OR52N4: variants seen among roughly 807,000 people sequenced by gnomAD.
The protein encoded by OR52N4 is olfactory receptor family 52 subfamily N member 4, also known as olfactory receptor 52N4.
In OR52N4, 15 loss-of-function variants were observed where a neutral mutation model predicts 15.0. That is an observed-to-expected ratio of 1.00 (90% CI 0.67 to 1.54). The LOEUF is 1.54. OR52N4 is among the 40% of genes most tolerant of loss of function. OR52N4 has a pLI of 0.00. For synonymous variants in OR52N4, 143 were observed against 143.7 expected (o/e 1.00, Z 0.03); for missense variants, 421 against 394.0 (o/e 1.07, Z -0.58).
chr11:5,729,416 G>A, the OR52N4 span, among the ~76,000 whole-genome samples: 5,683 of 152,044 alleles, frequency 0.037, 327 homozygotes, highest in African/African-American at 0.13. Flanking sequence ...CACCGTGCCC[G>A]GCCGAGATAT....
the OR52N4 span, among the ~76,000 whole-genome samples, chr11:5,735,531 G>T: frequency 6.6e-6 from 1 of 151,956 alleles, no homozygotes; most frequent in Non-Finnish European, 1.5e-5. Flanking sequence ...TTTGCTCCAG[G>T]CAGGTTGCAG....
the OR52N4 span, among the ~76,000 whole-genome samples, chr11:5,735,697 A>G: frequency 1.3e-5 from 2 of 152,182 alleles, no homozygotes; most frequent in Non-Finnish European, 2.9e-5. Context: ...ATGGATAACA[A>G]CAAAGTTGTA....
the OR52N4 span, among the ~76,000 whole-genome samples, chr11:5,747,077 C>CA: frequency 0.013 from 750 of 57,280 alleles, 31 homozygotes; most frequent in African/African-American, 0.05. Context: ...GTAAAAATAC[C>CA]AAAAAAAAAA....
the OR52N4 span, among the ~76,000 whole-genome samples, chr11:5,742,389 T>C: frequency 6.6e-6 from 1 of 152,046 alleles, no homozygotes; most frequent in South Asian, 2.1e-4. Context: ...GAAAAATACT[T>C]TGCAAGATGA....
chr11:5,746,588 C>A, the OR52N4 span, among the ~76,000 whole-genome samples: 1 of 152,008 alleles, frequency 6.6e-6, no homozygotes, highest in Non-Finnish European at 1.5e-5. Flanking sequence ...CAGAGAAATG[C>A]AAATTAAAAC....
chr11:5,739,760 T>A, the OR52N4 span, among the ~76,000 whole-genome samples: 1 of 128,452 alleles, frequency 7.8e-6, no homozygotes, highest in East Asian at 2.7e-4. Flanking sequence ...CTCTGGCTTC[T>A]ACACCATTAG....
chr11:5,752,257 G>A (rs990825589), upstream of OR52N4, among the ~76,000 whole-genome samples: 2 of 152,142 alleles, frequency 1.3e-5, no homozygotes, highest in African/African-American at 2.4e-5. Context: ...AATGACTTGA[G>A]TACATATCTT....
the OR52N4 span, among the ~76,000 whole-genome samples, chr11:5,729,114 A>ATTTTTTT: frequency 9.4e-3 from 776 of 82,840 alleles, 29 homozygotes; most frequent in Non-Finnish European, 0.014. Flanking sequence ...TTAAATTGAG[A>ATTTTTTT]TTTTTTTTTT....
chr11:5,736,012 C>T, the OR52N4 span: 1 of 156,720 alleles, frequency 6.4e-6, no homozygotes, highest in Non-Finnish European at 1.4e-5. Flanking sequence ...TAAGATTCAA[C>T]TATAAAAAAA....
chr11:5,736,520 A>G, the OR52N4 span: 1 of 1,613,384 alleles, frequency 6.2e-7, no homozygotes, highest in Non-Finnish European at 8.5e-7. Context: ...TTGAATCATG[A>G]ATCATATGTC....
the OR52N4 span, chr11:5,736,870 C>A: frequency 6.2e-7 from 1 of 1,613,996 alleles, no homozygotes; most frequent in South Asian, 1.1e-5. Context: ...TCTTTGTGGG[C>A]ATGGAGTCTG....
the OR52N4 span, among the ~76,000 whole-genome samples, chr11:5,727,621 A>G: frequency 3.9e-5 from 6 of 152,210 alleles, no homozygotes; most frequent in African/African-American, 1.4e-4. Flanking sequence ...AGAGAAGGGC[A>G]TTCTTTCTTT....
chr11:5,742,984 G>A, the OR52N4 span, among the ~76,000 whole-genome samples: 1 of 152,048 alleles, frequency 6.6e-6, no homozygotes, highest in Non-Finnish European at 1.5e-5. Flanking sequence ...AACATGTGCT[G>A]CCTATTAAAA....
At chr11:5,728,890 C>A in the OR52N4 span, among the ~76,000 whole-genome samples, 1 of 151,930 alleles carries the variant, frequency 6.6e-6, no homozygotes, top group Non-Finnish European at 1.5e-5. Context: ...TATTCTAACC[C>A]TCAATTTTTT....
In OR52N4 at chr11:5,754,884, C is replaced by T. The variant is rs760575260; in HGVS notation, c.144C>T (p.Leu48=). 21 of 1,613,752 alleles carry T rather than the reference C, an allele frequency of 1.3e-5. No individual in the cohort carries two copies. The highest frequency in any genetic ancestry group is 1.7e-5 in the Non-Finnish European group (20 of 1,179,838). Residue 48 remains leucine (L), a synonymous_variant, in exon 2 of 2, where the codon CTC becomes CTT. Coordinates refer to ENST00000641350, the MANE Select transcript of OR52N4 (RefSeq NM_001005175.5). ...CTATGGTAGGGAATTGTGGACTCCTCTACCTCATTCACTATGAGGATGCCC... is the reference window on the plus strand; with the variant it reads ...CTATGGTAGGGAATTGTGGACTCCTTTACCTCATTCACTATGAGGATGCCC... ...VVAMVGNCGL[L]YLIHYEDALH...
At chr11:5,742,262 G>C in the OR52N4 span, among the ~76,000 whole-genome samples, 1 of 152,090 alleles carries the variant, frequency 6.6e-6, no homozygotes, top group African/African-American at 2.4e-5. Flanking sequence ...GGCATTCCTA[G>C]GGAGAAGAGA....
At chr11:5,745,107 G>A in the OR52N4 span, among the ~76,000 whole-genome samples, 1 of 152,026 alleles carries the variant, frequency 6.6e-6, no homozygotes, top group African/African-American at 2.4e-5. Flanking sequence ...ATGGGCAAAA[G>A]TTGAAATCAT....
the OR52N4 span, among the ~76,000 whole-genome samples, chr11:5,727,792 A>C: frequency 1.3e-5 from 2 of 152,204 alleles, no homozygotes; most frequent in East Asian, 1.9e-4. Flanking sequence ...CACCCTTCCA[A>C]TATTCCAGGC....
the OR52N4 span, chr11:5,736,295 C>A: frequency 1.9e-6 from 1 of 534,564 alleles, no homozygotes; most frequent in South Asian, 2.4e-5. Flanking sequence ...TCCCATAATT[C>A]TTCATTTAAA....
Sources: gnomAD v4.1 joint callset for allele counts (sites outside exome capture counted in the v4.1 genomes callset) on GRCh38, gnomAD v4.1.1 for gene constraint, MANE v1.5 for transcripts, NCBI Gene and HGNC (gene_info 2026-07-23, HGNC 2026-07-21) for gene names.